ZNF326: variants seen among roughly 807,000 people sequenced by gnomAD.
The protein encoded by ZNF326 is zinc finger protein 326.
A neutral mutation model predicts 63.1 loss-of-function variants in ZNF326; 30 were observed. That is an observed-to-expected ratio of 0.48 (90% CI 0.36 to 0.64). ZNF326 has a LOEUF of 0.64. ZNF326 is among the 30% of genes least tolerant of loss of function. The pLI, the probability that ZNF326 is intolerant of heterozygous loss-of-function variation, is 0.00. For missense variants in ZNF326, 609 were observed against 720.3 expected, an observed-to-expected ratio of 0.85 and a Z score of 1.77; for synonymous variants, 194 against 228.2, an observed-to-expected ratio of 0.85 and a Z score of 1.35.
chr1:90,009,992 G>A (rs1649159017), intron 5 of ZNF326, 96 bp from the exon 6 acceptor site: 21 of 1,205,428 alleles, frequency 1.7e-5, no homozygotes, highest in Non-Finnish European at 2.4e-5. Flanking sequence ...GAATTTTCAG[G>A]TGAAAATTAG....
intron 9 of ZNF326, 58 bp from the exon 10 acceptor site, chr1:90,020,734 T>C: frequency 6.5e-7 from 1 of 1,543,890 alleles, no homozygotes; most frequent in South Asian, 1.2e-5. Flanking sequence ...TAGTAAAAAC[T>C]TCATTGGTCA....
Position 90,033,543 on chromosome 1 carries a change from G to A in ZNF326, c.*5842G>A, listed in dbSNP as rs1570334732. The A allele has an allele frequency of 6.6e-6, 1 of 152,078 alleles. No individual in the cohort carries two copies. The highest frequency in any genetic ancestry group is 1.5e-5 in the Non-Finnish European group (1 of 68,000). 9.4% of individuals were successfully genotyped at this position (152,078 alleles called of 1,614,324 possible). On this transcript the variant is annotated 3_prime_UTR_variant, in exon 12 of 12. Transcript: ENST00000340281. ...TATTGTACTAATTTTAAAAATGCAA[G>A]TTGCTATAAAGAAGTATCTTGGAAA...
intron 2 of ZNF326, 135 bp downstream of exon 2, chr1:89,998,289 T>TTAAC: frequency 1.4e-6 from 1 of 731,058 alleles, no homozygotes; most frequent in Non-Finnish European, 2.2e-6. Flanking sequence ...TCTTACTATA[T>TTAAC]ATAGTATTTG....
In ZNF326 at chr1:90,010,076, A is replaced by G. The variant is rs1376085429; in HGVS notation, c.616-12A>G. The G allele has an allele frequency of 6.2e-7, 1 of 1,610,332 alleles. No homozygotes were observed. The highest frequency in any genetic ancestry group is 1.3e-5 in the African/African-American group (1 of 74,836). Reference sequence around the variant, plus strand: ...CAATATGCTAATATTTATTGATTTCACAAATTTACAGCATATGGGTGATTT... The same window carrying G: ...CAATATGCTAATATTTATTGATTTCGCAAATTTACAGCATATGGGTGATTT... On this transcript the variant is annotated splice_polypyrimidine_tract_variant and intron_variant, in intron 5 of 11. Transcript: ENST00000340281.
At chr1:89,995,913 T>G (rs1648344306) in intron 1 of ZNF326, among the ~76,000 whole-genome samples, 1 of 152,244 alleles carries the variant, frequency 6.6e-6, no homozygotes, top group African/African-American at 2.4e-5. Context: ...AATATTTATG[T>G]GAACCAAAGC....
Position 90,035,373 on chromosome 1 carries a change from T to C in ZNF326, c.*7672T>C, listed in dbSNP as rs1650440353. On this transcript the variant is annotated 3_prime_UTR_variant, in exon 12 of 12. Transcript: ENST00000340281. ...CTGTACTATATAGAAAATCTGTATA[T>C]AGAATATAGCATTGGCCAATTGGAA... 2 of 152,292 alleles carry C rather than the reference T, an allele frequency of 1.3e-5. No individual in the cohort carries two copies. The highest frequency in any genetic ancestry group is 4.1e-4 in the South Asian group (2 of 4,830). 9.4% of individuals were successfully genotyped at this position (152,292 alleles called of 1,614,324 possible). A position where few individuals can be genotyped will look rare whatever the true frequency, so the allele number is the denominator to read the frequency against.
rs1451081555 is a variant in ZNF326 at position 90,027,409 on chromosome 1, A to G, written c.1457A>G (p.Asp486Gly). 2 of 1,613,970 alleles carry G rather than the reference A, an allele frequency of 1.2e-6. No individual in the cohort carries two copies. The highest frequency in any genetic ancestry group is 3.3e-5 in the Admixed American group (2 of 59,986). ...TCTCAGGATCAGCAAATAGAAGGAG[A>G]TGAGGAGGATGAAGAGAAGATTGAT... ...DHSQDQQIEG[D>G]EEDEEKIDEP... Residue 486 changes from aspartate to glycine, a missense_variant, in exon 12 of 12, where the codon GAT (aspartate) becomes GGT (glycine). Transcript: ENST00000340281.
Position 90,027,751 on chromosome 1 carries a change from A to G in ZNF326, c.*50A>G, listed in dbSNP as rs750685755. ...AGCTTTACATTTCGGTTCTAATGTAAAAAAGGGTAAGAAATTTAATAGCTT... is the reference window on the plus strand; with the variant it reads ...AGCTTTACATTTCGGTTCTAATGTAGAAAAGGGTAAGAAATTTAATAGCTT... On this transcript the variant is annotated 3_prime_UTR_variant, in exon 12 of 12. Coordinates refer to ENST00000340281, the MANE Select transcript of ZNF326 (RefSeq NM_182976.4). The G allele has an allele frequency of 6.4e-7, 1 of 1,566,204 alleles. No individual in the cohort carries two copies. Among genetic ancestry groups the G allele is most frequent in the Non-Finnish European group, 8.7e-7 (1 of 1,143,184 alleles).
In ZNF326 at chr1:89,995,120, T is replaced by G; in HGVS notation, c.-138T>G. On this transcript the variant is annotated 5_prime_UTR_variant, in exon 1 of 12. Transcript: ENST00000340281. ...CGGCCCCGCCTCCCCAGCCTCGCTGTGGCCTGCGGCTCCCGGGCTGGTAGC... is the reference window on the plus strand; with the variant it reads ...CGGCCCCGCCTCCCCAGCCTCGCTGGGGCCTGCGGCTCCCGGGCTGGTAGC... 1 of 1,075,136 alleles carries G rather than the reference T, an allele frequency of 9.3e-7. No individual in the cohort carries two copies. Among genetic ancestry groups the G allele is most frequent in the African/African-American group, 1.7e-5 (1 of 60,276 alleles). The allele number at this position is 1,075,136 out of a possible 1,614,324, so 66.6% of individuals were successfully genotyped here. A position where few individuals can be genotyped will look rare whatever the true frequency, so the allele number is the denominator to read the frequency against.
chr1:90,019,015 C>A (rs1450808952), intron 9 of ZNF326, among the ~76,000 whole-genome samples: 2 of 152,048 alleles, frequency 1.3e-5, no homozygotes, highest in Admixed American at 6.6e-5. Context: ...GTTACCTTTT[C>A]CTCTAGATGA....
chr1:90,019,806 T>C (rs1485641510), intron 9 of ZNF326, among the ~76,000 whole-genome samples: 5 of 151,992 alleles, frequency 3.3e-5, no homozygotes, highest in Non-Finnish European at 7.4e-5. Context: ...AATCAACATA[T>C]CCAAAAAAGT....
Position 90,006,221 on chromosome 1 carries a change from G to T in ZNF326, c.209+977G>T, listed in dbSNP as rs61771689. ...TTATGTGATAGATGTTTTGAAAAAT[G>T]TAGTTGGAAATAGGAATAATTTTTA... On this transcript the variant is annotated intron_variant, in intron 4 of 11. Coordinates refer to ENST00000340281, the MANE Select transcript of ZNF326 (RefSeq NM_182976.4). 1.4e-4 allele frequency: 136 copies of T among 985,230 alleles called. No individual in the cohort carries two copies. The African/African-American group carries it at 2.1e-3, about 15-fold the overall frequency. 61.0% of individuals were successfully genotyped at this position (985,230 alleles called of 1,614,324 possible).
chr1:90,001,727 T>G (rs373306387), intron 2 of ZNF326, among the ~76,000 whole-genome samples: 30 of 152,096 alleles, frequency 2.0e-4, no homozygotes, highest in African/African-American at 5.5e-4. Flanking sequence ...CTAATTTTTT[T>G]TGTGTTTTTT....
chr1:90,007,471 G>A lies in ZNF326; in HGVS notation c.336G>A (p.Glu112=). The A allele has an allele frequency of 1.9e-6, 3 of 1,614,088 alleles. No homozygotes were observed. The South Asian group carries it at 3.3e-5, about 18-fold the overall frequency. ...RFGGSYGGRF[E]SSYRNSLDSF... ...GAGGTAGTTATGGTGGTCGATTTGA[G>A]AGCTCCTACCGGAATAGCCTTGACT... Residue 112 remains glutamate, a synonymous_variant, in exon 5 of 12, where the codon GAG becomes GAA. Transcript: ENST00000340281. The surrounding 1 kb of genome is among the most constrained non-coding windows in gnomAD (Gnocchi z 4.9).
chr1:90,007,941 G>A lies in ZNF326; in HGVS notation c.615+191G>A, dbSNP rs1395177748. ...CACCTCAGAAAATAAGTGGCAGTTT[G>A]AGATGATCATAAAGTTGTGCCAAAT... On this transcript the variant is annotated intron_variant, in intron 5 of 11. Coordinates refer to ENST00000340281, the MANE Select transcript of ZNF326 (RefSeq NM_182976.4). This position sits in a 1 kb window ranked among gnomAD's most constrained non-coding sequence, Gnocchi z 4.9. 6.6e-6 allele frequency among the ~76,000 whole-genome samples: 1 copy of A among 152,210 alleles called. No individual in the cohort carries two copies. Among genetic ancestry groups the A allele is most frequent in the Non-Finnish European group, 1.5e-5 (1 of 68,038 alleles).
Position 90,034,253 on chromosome 1 carries a change from C to T in ZNF326, c.*6552C>T, listed in dbSNP as rs1332276767. 1 of 152,136 alleles carries T rather than the reference C, an allele frequency of 6.6e-6. No homozygotes were observed. Among genetic ancestry groups the T allele is most frequent in the African/African-American group, 2.4e-5 (1 of 41,438 alleles). 9.4% of individuals were successfully genotyped at this position (152,136 alleles called of 1,614,324 possible). A position where few individuals can be genotyped will look rare whatever the true frequency, so the allele number is the denominator to read the frequency against. ...GTCAAGAGTAAGGGCACAGCAAGGA[C>T]ATTCTACCAATTTTAGAACATGCAA... On this transcript the variant is annotated 3_prime_UTR_variant, in exon 12 of 12. Transcript: ENST00000340281.
intron 9 of ZNF326, 30 bp downstream of exon 9, chr1:90,018,814 T>A: frequency 3.0e-6 from 4 of 1,314,968 alleles, no homozygotes; most frequent in Non-Finnish European, 4.2e-6. Context: ...TATTTTAAAA[T>A]TCTACATGTA....
At chr1:90,017,154 T>G (rs184753522) in intron 7 of ZNF326, among the ~76,000 whole-genome samples, 163 bp from the exon 8 acceptor site, 1 of 152,226 alleles carries the variant, frequency 6.6e-6, no homozygotes, top group African/African-American at 2.4e-5. Context: ...AATATGTACT[T>G]AAATACTGTT....
rs1252730069 is a variant in ZNF326 at position 90,029,583 on chromosome 1, G to A, written c.*1882G>A. ...AATAATAAATTCCTCTAGGTTATTA[G>A]TATTTGGTTCTTCTGATACTAAGCT... is the stretch of plus-strand genomic sequence containing the variant. On this transcript the variant is annotated 3_prime_UTR_variant, in exon 12 of 12. Coordinates refer to ENST00000340281, the MANE Select transcript of ZNF326 (RefSeq NM_182976.4). 3 of 152,124 alleles carry A rather than the reference G, an allele frequency of 2.0e-5. No homozygotes were observed. Among genetic ancestry groups the A allele is most frequent in the African/African-American group, 7.2e-5 (3 of 41,434 alleles). The allele number at this position is 152,124 out of a possible 1,614,324, so 9.4% of individuals were successfully genotyped here. A position where few individuals can be genotyped will look rare whatever the true frequency, so the allele number is the denominator to read the frequency against.
Sources: gnomAD v4.1 joint callset for allele counts (sites outside exome capture counted in the v4.1 genomes callset) on GRCh38, gnomAD v4.1.1 for gene constraint, Gnocchi (gnomAD v3.1) non-coding constraint, MANE v1.5 for transcripts, NCBI Gene and HGNC (gene_info 2026-07-23, HGNC 2026-07-21) for gene names.